RABGAP1L: variants seen among roughly 807,000 people sequenced by gnomAD.
RABGAP1L encodes rab GTPase-activating protein 1-like.
In RABGAP1L, 63 loss-of-function variants were observed where a neutral mutation model predicts 137.7. That is an observed-to-expected ratio of 0.46 (90% CI 0.37 to 0.56). The LOEUF is 0.56. Ranked by LOEUF, RABGAP1L falls within the 20% of genes least tolerant of loss-of-function variation. RABGAP1L has a pLI of 0.00. For missense variants in RABGAP1L, 1,095 were observed against 1,244.0 expected (o/e 0.88, Z 1.80); for synonymous variants, 431 against 433.7 (o/e 0.99, Z 0.08).
At chr1:174,615,173 G>T (rs1305862240) in intron 13 of RABGAP1L, among the ~76,000 whole-genome samples, 5 of 152,114 alleles carry the variant, frequency 3.3e-5, no homozygotes, top group African/African-American at 9.7e-5. Flanking sequence ...ACAGTTTCCA[G>T]TTTTTCTGCT....
At chr1:174,584,230 G>T (rs994784233) in intron 13 of RABGAP1L, among the ~76,000 whole-genome samples, 1 of 152,094 alleles carries the variant, frequency 6.6e-6, no homozygotes, top group African/African-American at 2.4e-5. Flanking sequence ...AAATAAAATT[G>T]CTCTCATATT....
intron 17 of RABGAP1L, among the ~76,000 whole-genome samples, chr1:174,734,978 T>A (rs986551885): frequency 6.8e-5 from 10 of 146,396 alleles, no homozygotes; most frequent in Admixed American, 6.8e-5. Flanking sequence ...TTTTTTTTTT[T>A]AAGATATGGG....
At chr1:174,909,703 C>G (rs1337686514) in intron 19 of RABGAP1L, among the ~76,000 whole-genome samples, 1 of 152,098 alleles carries the variant, frequency 6.6e-6, no homozygotes, top group African/African-American at 2.4e-5. Context: ...GGAAATATAA[C>G]AATTGAAACC....
chr1:174,615,084 A>G (rs1389714138), intron 13 of RABGAP1L, among the ~76,000 whole-genome samples: 1 of 152,214 alleles, frequency 6.6e-6, no homozygotes, highest in Non-Finnish European at 1.5e-5. Context: ...AACTCGTCAA[A>G]GTCATTCTCC....
chr1:174,984,057 CAAAAAA>C (rs1163719976), intron 24 of RABGAP1L, among the ~76,000 whole-genome samples: 1 of 115,068 alleles, frequency 8.7e-6, no homozygotes. Context: ...TTTCTTCTAA[CAAAAAA>C]AAAAAAAAAA....
intron 19 of RABGAP1L, among the ~76,000 whole-genome samples, chr1:174,892,108 C>A (rs1372212207): frequency 6.6e-6 from 1 of 152,244 alleles, no homozygotes; most frequent in Non-Finnish European, 1.5e-5. Flanking sequence ...TCCAACCGGC[C>A]TGGAGCCCGT....
At chr1:174,188,322 CT>C (rs766418522) in intron 1 of RABGAP1L, among the ~76,000 whole-genome samples, 46 of 152,078 alleles carry the variant, frequency 3.0e-4, no homozygotes, top group Non-Finnish European at 6.0e-4. Context: ...TTATTTTGGT[CT>C]TTGAAGTGTA....
chr1:174,632,033 G>T (rs1250997362), intron 13 of RABGAP1L, among the ~76,000 whole-genome samples: 5 of 116,134 alleles, frequency 4.3e-5, no homozygotes, highest in Non-Finnish European at 7.2e-5. Flanking sequence ...GGCTGGTACC[G>T]GTTGTTCCTT....
intron 13 of RABGAP1L, among the ~76,000 whole-genome samples, chr1:174,620,658 A>G (rs190176122): frequency 8.7e-4 from 133 of 152,332 alleles, no homozygotes; most frequent in Admixed American, 2.1e-3. Context: ...AATTTATGGC[A>G]CTAAATACCC....
chr1:174,755,965 T>C (rs1407676428), intron 18 of RABGAP1L, among the ~76,000 whole-genome samples: 1 of 152,204 alleles, frequency 6.6e-6, no homozygotes, highest in Non-Finnish European at 1.5e-5. Flanking sequence ...CCAATGGTCT[T>C]AGGTAAATTA....
chr1:174,245,149 T>G, intron 5 of RABGAP1L: 1 of 152,262 alleles, frequency 6.6e-6, no homozygotes, highest in East Asian at 1.9e-4. Context: ...CTCGGCTTAC[T>G]GCAACCTACA....
At chr1:174,476,026 T>C (rs1658471654) in intron 13 of RABGAP1L, among the ~76,000 whole-genome samples, 1 of 152,074 alleles carries the variant, frequency 6.6e-6, no homozygotes, top group Admixed American at 6.6e-5. Flanking sequence ...TCAGGAGATG[T>C]GAATTCTGGG....
intron 13 of RABGAP1L, among the ~76,000 whole-genome samples, chr1:174,624,331 GT>G (rs1285387267): frequency 1.3e-5 from 2 of 151,796 alleles, no homozygotes; most frequent in South Asian, 2.1e-4. Flanking sequence ...TGCCCATATA[GT>G]TTTTTTTGGC....
rs1558021563 is a variant in RABGAP1L at position 174,195,704 on chromosome 1, CCTTCTTTCT to C, written c.-33-23420_-33-23412del. Among the ~76,000 whole-genome samples the C allele has an allele frequency of 3.1e-3, 326 of 105,502 alleles. 2 individuals are homozygous for C. Among genetic ancestry groups the C allele is most frequent in the Middle Eastern group, 9.7e-3 (2 of 206 alleles). The allele number at this position is 105,502 out of a possible 152,430, so 69.2% of individuals were successfully genotyped here. On this transcript the variant is annotated intron_variant, in intron 1 of 25. Coordinates refer to ENST00000681986, the MANE Select transcript of RABGAP1L (RefSeq NM_001366446.1). ...TCCTTCTTTCCTTCTTTCCTTCTTTCCTTCTTTCTTTTCTTTCTTTTCTTTCTTTTCTTT... is the reference window on the plus strand; with the variant it reads ...TCCTTCTTTCCTTCTTTCCTTCTTTCTTTCTTTCTTTTCTTTCTTTTCTTT...
chr1:174,530,339 A>G (rs1002566550), intron 13 of RABGAP1L, among the ~76,000 whole-genome samples: 8 of 152,132 alleles, frequency 5.3e-5, no homozygotes, highest in African/African-American at 1.9e-4. Flanking sequence ...AGGACAGTAC[A>G]TAATCTGTTG....
intron 1 of RABGAP1L, among the ~76,000 whole-genome samples, chr1:174,217,514 T>C (rs1669429679): frequency 3.9e-5 from 6 of 152,138 alleles, no homozygotes. Context: ...GAGAAGGACT[T>C]GAAGGATTGA....
chr1:174,702,942 G>A (rs1679766754), intron 17 of RABGAP1L, among the ~76,000 whole-genome samples: 1 of 151,948 alleles, frequency 6.6e-6, no homozygotes, highest in Non-Finnish European at 1.5e-5. Context: ...CAGTAATAGG[G>A]AATTTGCTAG....
Position 174,969,965 on chromosome 1 carries a change from A to G in RABGAP1L, c.2544+578A>G, listed in dbSNP as rs971829378. ...AGATGATATAACAATTAAATAAGTA[A>G]AACACTTCGATAGTATGTGTTCATT... On this transcript the variant is annotated intron_variant, in intron 21 of 25. Coordinates refer to ENST00000681986, the MANE Select transcript of RABGAP1L (RefSeq NM_001366446.1). Among the ~76,000 whole-genome samples, 9 of 152,238 alleles carry G rather than the reference A, an allele frequency of 5.9e-5. 1 individual carries two copies. Among genetic ancestry groups the G allele is most frequent in the Admixed American group, 5.2e-4 (8 of 15,282 alleles).
chr1:174,678,585 G>A (rs761792564), intron 14 of RABGAP1L, among the ~76,000 whole-genome samples: 1 of 152,202 alleles, frequency 6.6e-6, no homozygotes, highest in South Asian at 2.1e-4. Flanking sequence ...CACATTAACC[G>A]AATAAAGAGA....
Sources: gnomAD v4.1 joint callset for allele counts (sites outside exome capture counted in the v4.1 genomes callset) on GRCh38, gnomAD v4.1.1 for gene constraint, MANE v1.5 for transcripts, NCBI Gene and HGNC (gene_info 2026-07-23, HGNC 2026-07-21) for gene names.